NRXN3: variants seen among roughly 807,000 people sequenced by gnomAD.
NRXN3 encodes neurexin III.
Under a neutral mutation model 137.6 loss-of-function variants are expected in NRXN3, and 32 were observed. The ratio of observed to expected loss-of-function variants is 0.23; its 90% CI spans 0.18 to 0.31. The LOEUF (loss-of-function observed/expected upper bound fraction) is 0.31, where lower values mean the gene tolerates loss of function less well. Among genes scored for constraint, NRXN3 ranks in the 10% least tolerant of loss-of-function variants. NRXN3 has a pLI of 1.00. For missense variants in NRXN3, 1,574 were observed against 2,062.5 expected (o/e 0.76, Z 4.59); for synonymous variants, 798 against 784.5 (o/e 1.02, Z -0.29).
At chr14:79,733,693 C>G (rs559160611) in intron 19 of NRXN3, among the ~76,000 whole-genome samples, 1 of 148,220 alleles carries the variant, frequency 6.7e-6, no homozygotes, top group African/African-American at 2.5e-5. Flanking sequence ...TTTTTTATAA[C>G]TGTGATTATT....
chr14:78,565,784 T>C (rs916494265), intron 4 of NRXN3, among the ~76,000 whole-genome samples: 4 of 151,998 alleles, frequency 2.6e-5, no homozygotes, highest in African/African-American at 9.7e-5. Flanking sequence ...CTCTGTACAT[T>C]ACAGAAGACT....
chr14:78,586,449 A>G (rs531601098), intron 4 of NRXN3, among the ~76,000 whole-genome samples: 5 of 152,342 alleles, frequency 3.3e-5, no homozygotes, highest in African/African-American at 1.2e-4. Flanking sequence ...CGGTAGTAGC[A>G]CAGGATTGGC....
At chr14:79,119,180 A>G (rs2054992374) in intron 15 of NRXN3, among the ~76,000 whole-genome samples, 1 of 151,400 alleles carries the variant, frequency 6.6e-6, no homozygotes, top group African/African-American at 2.4e-5. Flanking sequence ...TACCTTTTAT[A>G]CTTAAACTTA....
chr14:79,428,133 G>T (rs1050498326), intron 15 of NRXN3, among the ~76,000 whole-genome samples: 13 of 152,090 alleles, frequency 8.5e-5, no homozygotes, highest in Non-Finnish European at 1.6e-4. Context: ...GGCAATGGAG[G>T]ATATATCCAT....
At chr14:79,409,892 T>A (rs2095388970) in intron 15 of NRXN3, among the ~76,000 whole-genome samples, 1 of 151,704 alleles carries the variant, frequency 6.6e-6, no homozygotes, top group Non-Finnish European at 1.5e-5. Context: ...AGCATGGACA[T>A]TTTCTTTACT....
chr14:78,480,324 C>T (rs2095451584), intron 4 of NRXN3, among the ~76,000 whole-genome samples: 3 of 152,286 alleles, frequency 2.0e-5, no homozygotes, highest in African/African-American at 7.2e-5. Context: ...TAATTGCACA[C>T]AGCACAGGTT....
At chr14:79,321,741 C>CAT (rs1359630400) in intron 15 of NRXN3, among the ~76,000 whole-genome samples, 3 of 150,032 alleles carry the variant, frequency 2.0e-5, no homozygotes, top group South Asian at 2.1e-4. Flanking sequence ...TATATATATA[C>CAT]ATATATATGC....
Position 78,319,862 on chromosome 14 carries a change from G to A in NRXN3, c.757+22002G>A, listed in dbSNP as rs1035722742. Among the ~76,000 whole-genome samples the A allele has an allele frequency of 1.1e-4, 16 of 152,324 alleles. No homozygotes were observed. In the South Asian group the frequency reaches 3.1e-3, roughly 30 times the overall value. On this transcript the variant is annotated intron_variant, in intron 4 of 20. Coordinates refer to ENST00000335750, the MANE Select transcript of NRXN3 (RefSeq NM_001330195.2). ...GAATGAGATCTAAACAAAAACAAAG[G>A]AGAAAATGCTTAAGAAATATAATCT...
At chr14:79,080,024 C>A (rs1351422234) in intron 15 of NRXN3, among the ~76,000 whole-genome samples, 1 of 152,070 alleles carries the variant, frequency 6.6e-6, no homozygotes, top group African/African-American at 2.4e-5. Flanking sequence ...ATTTACTTAA[C>A]AAGGAGCTGT....
rs142786664 is a variant in NRXN3 at position 79,791,528 on chromosome 14, A to G, written c.4015-13584A>G. ...TTGTAATTATAATTAATTATATATT[A>G]TAATAATTATAATTAATTATATATA... On this transcript the variant is annotated intron_variant, in intron 19 of 20. Transcript: ENST00000335750. 9.4e-3 allele frequency among the ~76,000 whole-genome samples: 1,122 copies of G among 119,702 alleles called. 11 individuals carry two copies. The highest frequency in any genetic ancestry group is 0.035 in the African/African-American group (990 of 28,438). The allele number at this position is 119,702 out of a possible 152,430, so 78.5% of individuals were successfully genotyped here. A position where few individuals can be genotyped will look rare whatever the true frequency, so the allele number is the denominator to read the frequency against.
At chr14:78,937,877 C>T (rs2099345214) in intron 10 of NRXN3, among the ~76,000 whole-genome samples, 1 of 152,240 alleles carries the variant, frequency 6.6e-6, no homozygotes, top group South Asian at 2.1e-4. Flanking sequence ...TGACCCAATG[C>T]TGGCCTTGCT....
intron 6 of NRXN3, among the ~76,000 whole-genome samples, chr14:78,679,864 G>A (rs897943280): frequency 6.6e-6 from 1 of 152,084 alleles, no homozygotes; most frequent in Non-Finnish European, 1.5e-5. Context: ...CCTTCTCCTG[G>A]TTCAAATCCG....
intron 16 of NRXN3, among the ~76,000 whole-genome samples, chr14:79,517,136 C>T (rs909876039): frequency 2.0e-5 from 3 of 150,872 alleles, no homozygotes; most frequent in African/African-American, 7.3e-5. Context: ...CACACCTCAC[C>T]AATAGAGACT....
chr14:79,267,864 G>C (rs1220765275), intron 15 of NRXN3, among the ~76,000 whole-genome samples: 1 of 152,182 alleles, frequency 6.6e-6, no homozygotes, highest in Non-Finnish European at 1.5e-5. Flanking sequence ...TGATGATATG[G>C]AATGTTATTG....
intron 4 of NRXN3, among the ~76,000 whole-genome samples, chr14:78,598,638 A>G (rs1402852368): frequency 6.6e-6 from 1 of 152,180 alleles, no homozygotes; most frequent in Non-Finnish European, 1.5e-5. Context: ...TGGTTTTCCA[A>G]TTATCACTTC....
chr14:78,204,831 G>A (rs376396944), intron 1 of NRXN3, among the ~76,000 whole-genome samples: 5 of 152,272 alleles, frequency 3.3e-5, no homozygotes, highest in East Asian at 3.9e-4. Flanking sequence ...ATAAAGAGCC[G>A]TAAGTAACTG....
At chr14:79,720,077 C>G (rs952328683) in intron 19 of NRXN3, among the ~76,000 whole-genome samples, 3 of 151,980 alleles carry the variant, frequency 2.0e-5, no homozygotes, top group African/African-American at 7.3e-5. Context: ...ATACCTGAGA[C>G]TGGGTAATTT....
chr14:78,613,578 G>GTTTTTTTTT (rs57745190), intron 4 of NRXN3, among the ~76,000 whole-genome samples: 42 of 95,104 alleles, frequency 4.4e-4, no homozygotes, highest in African/African-American at 1.8e-3. Context: ...CACAACCATA[G>GTTTTTTTTT]TTTTTTTTTT....
chr14:79,754,607 T>TAC (rs1158883685), intron 19 of NRXN3, among the ~76,000 whole-genome samples: 6 of 136,262 alleles, frequency 4.4e-5, no homozygotes, highest in African/African-American at 8.0e-5. Context: ...TACACACACA[T>TAC]ACACACACAC....
Sources: gnomAD v4.1 joint callset for allele counts (sites outside exome capture counted in the v4.1 genomes callset) on GRCh38, gnomAD v4.1.1 for gene constraint, MANE v1.5 for transcripts, NCBI Gene and HGNC (gene_info 2026-07-23, HGNC 2026-07-21) for gene names.